ARHGEF28: variants seen among roughly 807,000 people sequenced by gnomAD.
ARHGEF28 encodes the protein Rho guanine nucleotide exchange factor 28, also known as 190 kDa guanine nucleotide exchange factor.
ARHGEF28 carries 152 observed loss-of-function variants against 206.6 expected under a neutral mutation model. The ratio of observed to expected loss-of-function variants is 0.74; its 90% confidence interval spans 0.64 to 0.84. The LOEUF (loss-of-function observed/expected upper bound fraction) is 0.84. Ranked by LOEUF, ARHGEF28 falls within the 40% of genes least tolerant of loss-of-function variation. The pLI is 0.00. For synonymous variants in ARHGEF28, 763 were observed against 776.4 expected (o/e 0.98, Z 0.29); for missense variants, 2,028 against 2,073.2 (o/e 0.98, Z 0.42).
rs551991121 is a variant in ARHGEF28, at chr5:73,872,892, T to C, written c.2567-107T>C. 1.3e-5 allele frequency: 16 copies of C among 1,271,632 alleles called. No homozygotes were observed. In the African/African-American group the frequency reaches 2.1e-4, roughly 17 times the overall value. The allele number at this position is 1,271,632 out of a possible 1,614,324, so 78.8% of individuals were successfully genotyped here. ...GAATATTCTTGATATTCCTAAACAT[T>C]TCTTTTTTATTTGCGTAACATATAG... On this transcript the variant is annotated intron_variant, in intron 21 of 35. Coordinates refer to ENST00000513042, the MANE Select transcript of ARHGEF28 (RefSeq NM_001177693.2).
chr5:73,904,760 C>A, intron 33 of ARHGEF28: 1 of 252,970 alleles, frequency 4.0e-6, no homozygotes, highest in Non-Finnish European at 7.5e-6. Context: ...TTGACTTCTC[C>A]ATGTGGCCAT....
At chr5:73,638,121 A>AT (rs927365330) in intron 1 of ARHGEF28, among the ~76,000 whole-genome samples, 1 of 152,192 alleles carries the variant, frequency 6.6e-6, no homozygotes, top group Non-Finnish European at 1.5e-5. Flanking sequence ...TAAAACTATT[A>AT]TTTTTTGAAC....
In ARHGEF28 at chr5:73,824,472, CT is replaced by C. The variant is rs59155790; in HGVS notation, c.1025-7851del. On this transcript the variant is annotated intron_variant, in intron 9 of 35. Coordinates refer to ENST00000513042, the MANE Select transcript of ARHGEF28 (RefSeq NM_001177693.2). ...GACAATACTCACTGGGGTTTGAAGACTTTTTTTTTTTTTTTGAGATGGAGTC... is the reference window on the plus strand; with the variant it reads ...GACAATACTCACTGGGGTTTGAAGACTTTTTTTTTTTTTTGAGATGGAGTC... 5.7e-3 allele frequency among the ~76,000 whole-genome samples: 805 copies of C among 141,764 alleles called. 1 individual carries two copies. The highest frequency in any genetic ancestry group is 0.015 in the Middle Eastern group (4 of 270). The allele number at this position is 141,764 out of a possible 152,430, so 93.0% of individuals were successfully genotyped here. A position where few individuals can be genotyped will look rare whatever the true frequency, so the allele number is the denominator to read the frequency against.
intron 18 of ARHGEF28, among the ~76,000 whole-genome samples, chr5:73,866,833 A>T (rs1484792263): frequency 6.6e-6 from 1 of 152,188 alleles, no homozygotes; most frequent in Non-Finnish European, 1.5e-5. Context: ...GTGTTGCTTG[A>T]CATGTGGCAG....
chr5:73,918,568 C>T (rs1193324453), intron 35 of ARHGEF28, among the ~76,000 whole-genome samples: 1 of 152,168 alleles, frequency 6.6e-6, no homozygotes, highest in Non-Finnish European at 1.5e-5. Context: ...TGTAAAGAGA[C>T]AACTTTTCTC....
intron 9 of ARHGEF28, chr5:73,803,222 C>T (rs1239566352): frequency 6.4e-6 from 1 of 157,396 alleles, no homozygotes; most frequent in African/African-American, 2.4e-5. Context: ...TGTATACTTA[C>T]TCTGATACTT....
chr5:73,860,948 A>T (rs904285773), intron 16 of ARHGEF28, among the ~76,000 whole-genome samples: 1 of 151,978 alleles, frequency 6.6e-6, no homozygotes, highest in African/African-American at 2.4e-5. Context: ...TTTGCCTGTG[A>T]TCATCTCCTT....
At chr5:73,774,989 A>C (rs1030065573) in intron 5 of ARHGEF28, among the ~76,000 whole-genome samples, 1 of 152,238 alleles carries the variant, frequency 6.6e-6, no homozygotes, top group Non-Finnish European at 1.5e-5. Flanking sequence ...ATAAGTGGAC[A>C]TTAGAGTAGA....
intron 22 of ARHGEF28, among the ~76,000 whole-genome samples, chr5:73,875,738 G>A (rs1453719408): frequency 0.022 from 3,310 of 151,394 alleles, 103 homozygotes; most frequent in African/African-American, 0.073. Context: ...GTAGATATGC[G>A]GCGTTATTTC....
intron 35 of ARHGEF28, among the ~76,000 whole-genome samples, chr5:73,933,012 G>A (rs957224021): frequency 1.3e-5 from 2 of 151,532 alleles, no homozygotes; most frequent in Admixed American, 6.6e-5. Context: ...GGGTTTCACC[G>A]TGTTAGCCCG....
chr5:73,852,700 T>G lies in ARHGEF28; in HGVS notation c.1790+8T>G. ...GCCACCAAGAGAAAACAGGTACTTT[T>G]AACTATTCCAATTTTCCTGAGGAAC... On this transcript the variant is annotated splice_region_variant and intron_variant, in intron 14 of 35. Coordinates refer to ENST00000513042, the MANE Select transcript of ARHGEF28 (RefSeq NM_001177693.2). 6.2e-7 allele frequency: 1 copy of G among 1,613,384 alleles called. No individual in the cohort carries two copies. The highest frequency in any genetic ancestry group is 1.1e-5 in the South Asian group (1 of 91,072).
At chr5:73,688,641 A>G (rs763786156) in intron 2 of ARHGEF28, among the ~76,000 whole-genome samples, 4 of 151,908 alleles carry the variant, frequency 2.6e-5, no homozygotes, top group South Asian at 2.1e-4. Context: ...CTTTTTGGGG[A>G]GAGAGGAGGG....
intron 10 of ARHGEF28, chr5:73,835,130 A>T (rs1757544198): frequency 6.6e-6 from 1 of 152,124 alleles, no homozygotes; most frequent in Admixed American, 6.5e-5. Context: ...ATCACTAATT[A>T]CTAATAATTT....
intron 35 of ARHGEF28, among the ~76,000 whole-genome samples, chr5:73,937,013 G>A (rs1422487185): frequency 1.3e-5 from 2 of 152,222 alleles, no homozygotes; most frequent in Admixed American, 6.5e-5. Flanking sequence ...TCTCTTCACT[G>A]TTAGAAATGT....
chr5:73,741,768 A>G (rs1373695997), intron 2 of ARHGEF28, among the ~76,000 whole-genome samples: 15 of 152,004 alleles, frequency 9.9e-5, no homozygotes, highest in Non-Finnish European at 2.2e-4. Flanking sequence ...AGGTTTGAAT[A>G]ATGGGTATCT....
intron 1 of ARHGEF28, among the ~76,000 whole-genome samples, chr5:73,680,213 TCA>T (rs1282121385): frequency 1.8e-4 from 27 of 152,088 alleles, no homozygotes; most frequent in Non-Finnish European, 1.5e-5. Context: ...AGTGTGTGGA[TCA>T]CCTGAGGTCA....
chr5:73,914,514 A>G (rs569334693), intron 35 of ARHGEF28, among the ~76,000 whole-genome samples: 2 of 146,874 alleles, frequency 1.4e-5, no homozygotes, highest in South Asian at 4.3e-4. Flanking sequence ...CTCCTGCCTC[A>G]GCCTCCTGAG....
chr5:73,828,678 T>TTCTTTC (rs1288073824), intron 9 of ARHGEF28, among the ~76,000 whole-genome samples: 1 of 147,702 alleles, frequency 6.8e-6, no homozygotes, highest in South Asian at 2.2e-4. Context: ...TCCTTTTCCT[T>TTCTTTC]TCTTTCTCTT....
At chr5:73,828,051 A>T (rs1757019797) in intron 9 of ARHGEF28, 1 of 152,188 alleles carries the variant, frequency 6.6e-6, no homozygotes, top group Non-Finnish European at 1.5e-5. Flanking sequence ...TGCTAGACAA[A>T]TTTGAAAAGG....
Sources: allele counts gnomAD v4.1 joint callset (sites outside exome capture counted in the v4.1 genomes callset), GRCh38; gene constraint gnomAD v4.1.1; transcripts MANE v1.5; gene names NCBI Gene and HGNC (gene_info 2026-07-23, HGNC 2026-07-21).